SEL1L3: variants seen among roughly 807,000 people sequenced by gnomAD.
The protein encoded by SEL1L3 is protein sel-1 homolog 3.
In SEL1L3, 76 loss-of-function variants were observed where a neutral mutation model predicts 142.8. The ratio of observed to expected loss-of-function variants is 0.53; its 90% CI spans 0.44 to 0.64. The LOEUF (loss-of-function observed/expected upper bound fraction) is 0.64. SEL1L3 is among the 30% of genes least tolerant of loss of function. The probability of loss-of-function intolerance (pLI) is 0.00; values close to 1 mark genes in which losing one functional copy is unlikely to be tolerated. For synonymous variants in SEL1L3, 504 were observed against 519.6 expected (o/e 0.97, Z 0.41); for missense variants, 1,262 against 1,381.7 (o/e 0.91, Z 1.37).
At chr4:25,720,652 A>AG in the SEL1L3 span, 1 of 152,230 alleles carries the variant, frequency 6.6e-6, no homozygotes. Flanking sequence ...ACAGTGAGAA[A>AG]TGTTGATCCA....
At chr4:25,779,665 G>C (rs986767895) in intron 15 of SEL1L3, among the ~76,000 whole-genome samples, 4 of 152,184 alleles carry the variant, frequency 2.6e-5, no homozygotes, top group Non-Finnish European at 5.9e-5. Flanking sequence ...TGTCTTGGGA[G>C]GGTTAGCACA....
chr4:25,854,918 G>A (rs191909847), intron 1 of SEL1L3, among the ~76,000 whole-genome samples: 294 of 152,338 alleles, frequency 1.9e-3, no homozygotes, highest in Non-Finnish European at 3.4e-3. Context: ...GAGAAACTTC[G>A]GGGTGGGGCA....
At chr4:25,754,313 A>AAAAT (rs1053355705) in intron 23 of SEL1L3, among the ~76,000 whole-genome samples, 2 of 150,180 alleles carry the variant, frequency 1.3e-5, no homozygotes, top group African/African-American at 4.9e-5. Flanking sequence ...AAAAATATAT[A>AAAAT]AAATAAATAA....
intron 6 of SEL1L3, among the ~76,000 whole-genome samples, chr4:25,824,226 C>T (rs748615030): frequency 5.3e-5 from 8 of 152,122 alleles, no homozygotes; most frequent in South Asian, 2.1e-4. Flanking sequence ...TGAGACAGCA[C>T]GGGGCACTAG....
intron 15 of SEL1L3, among the ~76,000 whole-genome samples, chr4:25,781,996 G>T (rs1345879249): frequency 2.6e-5 from 4 of 152,198 alleles, no homozygotes; most frequent in African/African-American, 9.6e-5. Context: ...AAGCCTTCCT[G>T]GCTGCTTTGG....
chr4:25,758,812 C>A, intron 21 of SEL1L3, 129 bp downstream of exon 21: 4 of 1,034,980 alleles, frequency 3.9e-6, no homozygotes, highest in Non-Finnish European at 5.4e-6. Flanking sequence ...CGGTGCCCTG[C>A]TTTTTGTTTT....
In SEL1L3 at chr4:25,790,491, C is replaced by T. The variant is rs1187999777; in HGVS notation, c.2040G>A (p.Leu680=). Residue 680 remains leucine, a synonymous_variant, in exon 12 of 24, where the codon TTG becomes TTA. Transcript: ENST00000399878. ...TKEDGDVFMW[L]KHEATRGNAA... ...CATTGCCTCGGGTAGCTTCATGCTTCAACCACATAAAGACATCTCCATCTT... is the reference window on the plus strand; with the variant it reads ...CATTGCCTCGGGTAGCTTCATGCTTTAACCACATAAAGACATCTCCATCTT... The T allele has an allele frequency of 5.6e-6, 9 of 1,613,680 alleles. No homozygotes were observed. Among genetic ancestry groups the T allele is most frequent in the Non-Finnish European group, 7.6e-6 (9 of 1,179,816 alleles).
intron 11 of SEL1L3, among the ~76,000 whole-genome samples, chr4:25,794,593 G>A (rs1379231262): frequency 6.6e-6 from 1 of 152,176 alleles, no homozygotes; most frequent in East Asian, 1.9e-4. Context: ...TGGAGAGATA[G>A]GAATACTTTT....
chr4:25,754,664 G>A (rs1446179657), intron 23 of SEL1L3, among the ~76,000 whole-genome samples: 2 of 151,830 alleles, frequency 1.3e-5, no homozygotes, highest in Non-Finnish European at 2.9e-5. Context: ...AAACAGCAGT[G>A]TGGGCATCAT....
At chr4:25,833,888 C>G (rs982138955) in intron 3 of SEL1L3, among the ~76,000 whole-genome samples, 1 of 152,088 alleles carries the variant, frequency 6.6e-6, no homozygotes, top group Non-Finnish European at 1.5e-5. Context: ...CTTACAAAGT[C>G]AGACATAGAT....
At chr4:25,810,637 C>T (rs1209466988) in intron 9 of SEL1L3, among the ~76,000 whole-genome samples, 1 of 152,192 alleles carries the variant, frequency 6.6e-6, no homozygotes, top group South Asian at 2.1e-4. Flanking sequence ...ATTGGAGGTT[C>T]CCCAGGAAAC....
intron 2 of SEL1L3, among the ~76,000 whole-genome samples, chr4:25,846,724 C>T (rs1480404129): frequency 1.3e-5 from 2 of 151,970 alleles, no homozygotes; most frequent in African/African-American, 4.8e-5. Context: ...GCCTGGCCAA[C>T]ATGGTGAAAC....
intron 8 of SEL1L3, among the ~76,000 whole-genome samples, chr4:25,819,528 C>A (rs1281975658): frequency 4.6e-5 from 7 of 152,218 alleles, no homozygotes; most frequent in Admixed American, 2.6e-4. Context: ...TGCGAAGGCA[C>A]AAAACACTCG....
At chr4:25,863,328 C>A (rs1379421563), upstream of SEL1L3, 5 of 579,394 alleles carry the variant, frequency 8.6e-6, no homozygotes, top group Admixed American at 8.3e-5. Context: ...CTTCTCCCCT[C>A]GCGCTCCCAA....
At chr4:25,863,247 G>T, upstream of SEL1L3, among the ~76,000 whole-genome samples, 1 of 84,062 alleles carries the variant, frequency 1.2e-5, no homozygotes, top group Admixed American at 1.7e-4. Context: ...CTTTCTCTCT[G>T]CTCCTCCCCC....
rs747401359 is a variant in SEL1L3, at chr4:25,757,698, T to C, written c.3176A>G (p.His1059Arg). 8.8e-6 allele frequency: 14 copies of C among 1,590,964 alleles called. No homozygotes were observed. The Admixed American group carries it at 1.9e-4, about 22-fold the overall frequency. The change falls in exon 22 of 24, where the codon CAC becomes CGC. Residue 1059 changes from histidine (H) to arginine (R), a missense_variant. Physicochemically the swap from His to Arg is conservative, Grantham distance 29. Coordinates refer to ENST00000399878, the MANE Select transcript of SEL1L3 (RefSeq NM_015187.5). ...GGACATGAAACCTACCAGGGCTGAG[T>C]GCAGGATAGCACCCCAGAGAAGCCG... Reference protein sequence around the residue: ...HLRLLWGAILHSALIYFLGTF... With the variant: ...HLRLLWGAILRSALIYFLGTF...
rs368487556 is a variant in SEL1L3, at chr4:25,847,626, T to A, written c.401A>T (p.Asn134Ile). 1.8e-5 allele frequency: 29 copies of A among 1,613,922 alleles called. No individual in the cohort carries two copies. Among genetic ancestry groups the A allele is most frequent in the Non-Finnish European group, 2.2e-5 (26 of 1,179,884 alleles). Reference protein sequence around the residue: ...SIPVYKKRWKNEKHLHTSRTQ... With the variant: ...SIPVYKKRWKIEKHLHTSRTQ... ...CCTGCTGGTGTGAAGATGTTTCTCA[T>A]TCTTCCACCTTTTTTTGTACACGGG... The change falls in exon 2 of 24, where the codon AAT (asparagine) becomes ATT (isoleucine). Residue 134 changes from asparagine (N) to isoleucine (I), a missense_variant. Physicochemically the swap from Asn to Ile is moderately radical, Grantham distance 149. Transcript: ENST00000399878.
At chr4:25,820,341 C>T (rs1275513161) in intron 7 of SEL1L3, among the ~76,000 whole-genome samples, 1 of 152,246 alleles carries the variant, frequency 6.6e-6, no homozygotes, top group African/African-American at 2.4e-5. Flanking sequence ...CTGCAACCTC[C>T]AAGAGCTGGC....
intron 9 of SEL1L3, among the ~76,000 whole-genome samples, chr4:25,811,715 A>T (rs1287447427): frequency 6.7e-6 from 1 of 149,632 alleles, no homozygotes; most frequent in Non-Finnish European, 1.5e-5. Context: ...AACCCTAGAT[A>T]CTGTTCCTAT....
Sources: allele counts gnomAD v4.1 joint callset (sites outside exome capture counted in the v4.1 genomes callset), GRCh38; gene constraint gnomAD v4.1.1; transcripts MANE v1.5; gene names NCBI Gene and HGNC (gene_info 2026-07-23, HGNC 2026-07-21).